The following SERPINB11 variants were observed in gnomAD, a reference collection of about 807,000 sequenced individuals.
The protein encoded by SERPINB11 is serpin B11.
In SERPINB11, 32 loss-of-function variants were observed where a neutral mutation model predicts 36.7. The observed-to-expected ratio is 0.87, with a 90% CI of 0.66 to 1.17. The LOEUF (loss-of-function observed/expected upper bound fraction) is 1.17, where lower values mean the gene tolerates loss of function less well. Among genes scored for constraint, SERPINB11 ranks in the 50% most tolerant of loss-of-function variants. The pLI, the probability that SERPINB11 is intolerant of heterozygous loss-of-function variation, is 0.00. For missense variants in SERPINB11, 528 were observed against 458.4 expected, an observed-to-expected ratio of 1.15 and a Z score of -1.39; for synonymous variants, 174 against 168.1, an observed-to-expected ratio of 1.04 and a Z score of -0.27.
chr18:63,705,241 T>C (rs1427900821), intron 1 of SERPINB11: 1 of 152,156 alleles, frequency 6.6e-6, no homozygotes, highest in Non-Finnish European at 1.5e-5. Flanking sequence ...TGACTGGCTA[T>C]GTTTTTAATT....
chr18:63,718,769 G>A (rs1351436832), intron 5 of SERPINB11, among the ~76,000 whole-genome samples: 3 of 152,004 alleles, frequency 2.0e-5, no homozygotes, highest in Non-Finnish European at 4.4e-5. Flanking sequence ...GGAACTGACA[G>A]ATGTCAAGTT....
In SERPINB11 at chr18:63,712,496, T is replaced by C. The variant is rs1404386375; in HGVS notation, c.229-69T>C. The stretch of plus-strand genomic sequence containing the variant: ...AGAGGCAAACACCTTGCTCTCTAGA[T>C]AGTTATCATTCTCCAATGGCAAAAA... On this transcript the variant is annotated intron_variant, in intron 3 of 7. Coordinates refer to ENST00000544088, the MANE Select transcript of SERPINB11 (RefSeq NM_001370475.1). The C allele has an allele frequency of 1.4e-5, 22 of 1,545,278 alleles. No individual in the cohort carries two copies. The East Asian group carries it at 2.5e-4, about 17-fold the overall frequency.
chr18:63,708,325 T>C (rs965786936), intron 1 of SERPINB11, among the ~76,000 whole-genome samples: 1 of 152,186 alleles, frequency 6.6e-6, no homozygotes, highest in African/African-American at 2.4e-5. Context: ...AAAGATATTA[T>C]GGAGGAGGAT....
Position 63,720,891 on chromosome 18 carries a change from A to G in SERPINB11, c.679A>G (p.Lys227Glu), listed in dbSNP as rs1486527599. 2 of 1,591,740 alleles carry G rather than the reference A, an allele frequency of 1.3e-6. No homozygotes were observed. The highest frequency in any genetic ancestry group is 1.7e-6 in the Non-Finnish European group (2 of 1,168,206). Residue 227 changes from lysine to glutamate, a missense_variant, in exon 7 of 8, where the codon AAG (lysine) becomes GAG (glutamate). Coordinates refer to ENST00000544088, the MANE Select transcript of SERPINB11 (RefSeq NM_001370475.1). Reference protein sequence around the residue: ...QIGTFKLAFVKEPQMQVLELP... With the variant: ...QIGTFKLAFVEEPQMQVLELP... ...TGGAACATTTAAACTGGCCTTTGTA[A>G]AGGAGCCGCAGATGCAAGTTCTTGA...
intron 4 of SERPINB11, among the ~76,000 whole-genome samples, chr18:63,714,127 C>T (rs1244606780): frequency 6.6e-6 from 1 of 152,042 alleles, no homozygotes; most frequent in Non-Finnish European, 1.5e-5. Context: ...AAGAGTACAA[C>T]AGAGAGAAAT....
chr18:63,705,932 A>G (rs1206135240), intron 1 of SERPINB11: 1 of 152,238 alleles, frequency 6.6e-6, no homozygotes, highest in Non-Finnish European at 1.5e-5. Context: ...GCTGTCAAAG[A>G]CACTGTTATT....
Position 63,716,081 on chromosome 18 carries a change from CTG to C in SERPINB11, c.407_408del (p.Val136GlyfsTer3), listed in dbSNP as rs765969794. ...AAATGGTATCAAGCCAGGTTGCAAA[CTG>C]TGGATTTTGAACAGTCTACAGAAGA... is the stretch of plus-strand genomic sequence containing the variant. On this transcript the variant is annotated frameshift_variant, in exon 5 of 8. Coordinates refer to ENST00000544088, the MANE Select transcript of SERPINB11 (RefSeq NM_001370475.1). LOFTEE classifies it high-confidence loss of function. The C allele has an allele frequency of 2.5e-6, 4 of 1,612,314 alleles. No homozygotes were observed. The highest frequency in any genetic ancestry group is 3.4e-6 in the Non-Finnish European group (4 of 1,179,010).
chr18:63,704,256 A>G (rs1000392665), intron 1 of SERPINB11, among the ~76,000 whole-genome samples: 3 of 152,252 alleles, frequency 2.0e-5, no homozygotes, highest in Admixed American at 1.3e-4. Context: ...AGTGAGGAAT[A>G]CCAACATATT....
chr18:63,720,151 G>A lies in SERPINB11; in HGVS notation c.614G>A (p.Ser205Asn). ...ACAGTTAAAAGTCCTTTTCAGCTAA[G>A]TGAGGTAAGTATTTTATTTTCAGAC... ...RETVKSPFQL[S>N]EGKNVTVEMM... is the part of the protein sequence containing the mutation. The change falls in exon 6 of 8, where the codon AGT (serine) becomes AAT (asparagine). Residue 205 changes from serine (S) to asparagine (N), a missense_variant. By Grantham distance (46) the Ser-to-Asn change is conservative. Transcript: ENST00000544088. The A allele has an allele frequency of 1.2e-6, 2 of 1,603,332 alleles. No homozygotes were observed. Among genetic ancestry groups the A allele is most frequent in the Non-Finnish European group, 1.7e-6 (2 of 1,172,722 alleles).
In SERPINB11 at chr18:63,708,699, A is replaced by C. The variant is rs77360030; in HGVS notation, c.-15-1480A>C. Reference sequence around the variant, plus strand: ...ATCCAAGTGGGGATGTTGAGTAAGCAGTTGGATATGTGGGTTTGGAATTCA... The same window carrying C: ...ATCCAAGTGGGGATGTTGAGTAAGCCGTTGGATATGTGGGTTTGGAATTCA... On this transcript the variant is annotated intron_variant, in intron 1 of 7. Transcript: ENST00000544088. Among the ~76,000 whole-genome samples, 1,356 of 152,308 alleles carry C rather than the reference A, an allele frequency of 8.9e-3. 11 individuals are homozygous for C. The highest frequency in any genetic ancestry group is 0.03 in the African/African-American group (1,249 of 41,560).
intron 4 of SERPINB11, among the ~76,000 whole-genome samples, chr18:63,714,029 T>C (rs939296218): frequency 2.0e-5 from 3 of 152,174 alleles, no homozygotes; most frequent in African/African-American, 4.8e-5. Context: ...ATTTTGCTCA[T>C]AGTATATTGG....
intron 4 of SERPINB11, among the ~76,000 whole-genome samples, 167 bp from the exon 5 acceptor site, chr18:63,715,864 AATTT>A (rs1292159317): frequency 2.0e-5 from 3 of 152,228 alleles, no homozygotes; most frequent in Non-Finnish European, 4.4e-5. Flanking sequence ...GATTTTGTTA[AATTT>A]ATTTGTTTTA....
chr18:63,713,805 T>A (rs1408647254), intron 4 of SERPINB11, among the ~76,000 whole-genome samples: 1 of 152,118 alleles, frequency 6.6e-6, no homozygotes, highest in East Asian at 1.9e-4. Context: ...TAGACAAATG[T>A]GGATTTGGGA....
intron 2 of SERPINB11, among the ~76,000 whole-genome samples, chr18:63,710,667 T>C (rs1914499787): frequency 6.6e-6 from 1 of 152,212 alleles, no homozygotes; most frequent in Non-Finnish European, 1.5e-5. Context: ...AAAGGTACTA[T>C]TATTGTCCTC....
intron 4 of SERPINB11, among the ~76,000 whole-genome samples, chr18:63,714,278 A>G (rs1207300276): frequency 3.9e-5 from 6 of 152,172 alleles, no homozygotes; most frequent in African/African-American, 1.4e-4. Context: ...CAGAGATCAC[A>G]TGCTTCACAA....
chr18:63,708,081 T>C (rs1370311734), intron 1 of SERPINB11, among the ~76,000 whole-genome samples: 1 of 152,152 alleles, frequency 6.6e-6, no homozygotes, highest in African/African-American at 2.4e-5. Context: ...TGCCCTGAGG[T>C]TGAATGTACT....
intron 4 of SERPINB11, among the ~76,000 whole-genome samples, chr18:63,714,557 C>A (rs542486214): frequency 1.3e-5 from 2 of 152,148 alleles, no homozygotes; most frequent in African/African-American, 4.8e-5. Flanking sequence ...CAGAGACCTC[C>A]CCCTAGGAAC....
At chr18:63,719,629 T>C (rs1429558984) in intron 5 of SERPINB11, among the ~76,000 whole-genome samples, 1 of 152,078 alleles carries the variant, frequency 6.6e-6, no homozygotes, top group African/African-American at 2.4e-5. Flanking sequence ...AATATATTTG[T>C]GTGTAGTGAA....
intron 4 of SERPINB11, among the ~76,000 whole-genome samples, chr18:63,714,838 A>C (rs1461798104): frequency 6.6e-6 from 1 of 152,184 alleles, no homozygotes; most frequent in African/African-American, 2.4e-5. Flanking sequence ...ATACATCCTC[A>C]GCTTACGAAG....
Sources: gnomAD v4.1 joint callset for allele counts (sites outside exome capture counted in the v4.1 genomes callset) on GRCh38, gnomAD v4.1.1 for gene constraint, MANE v1.5 for transcripts, NCBI Gene and HGNC (gene_info 2026-07-23, HGNC 2026-07-21) for gene names.